ANXA4: variants seen among roughly 807,000 people sequenced by gnomAD.
The protein encoded by ANXA4 is 35-beta calcimedin.
A neutral mutation model predicts 49.8 loss-of-function variants in ANXA4; 39 were observed. That is an observed-to-expected ratio of 0.78 (90% confidence interval 0.61 to 1.02). The LOEUF (loss-of-function observed/expected upper bound fraction) is 1.02, where lower values mean the gene tolerates loss of function less well. Among genes scored for constraint, ANXA4 ranks in the 50% least tolerant of loss-of-function variants. The probability of loss-of-function intolerance (pLI) is 0.00; values close to 1 mark genes in which losing one functional copy is unlikely to be tolerated. For synonymous variants in ANXA4, 134 were observed against 152.5 expected (o/e 0.88, Z 0.89); for missense variants, 360 against 410.1 (o/e 0.88, Z 1.05).
Position 69,656,233 on chromosome 2 carries a change from ATATATACGTATATATATG to A in ANXA4, n.766+2987_766+3004del, listed in dbSNP as rs1472535361. 4.6e-4 allele frequency among the ~76,000 whole-genome samples: 56 copies of A among 120,470 alleles called. 1 individual carries two copies. The highest frequency in any genetic ancestry group is 1.1e-3 in the South Asian group (4 of 3,548). 79.0% of individuals were successfully genotyped at this position (120,470 alleles called of 152,430 possible). ...CACACATATATATGTATATATGTATATATATACGTATATATATGTATATACGTATATATATGTATATAC... is the reference window on the plus strand; with the variant it reads ...CACACATATATATGTATATATGTATATATATACGTATATATATGTATATAC... On this transcript the variant is annotated intron_variant and non_coding_transcript_variant, in intron 2 of 3. Transcript: ENST00000418066.
intron 3 of ANXA4, among the ~76,000 whole-genome samples, chr2:69,722,531 T>A (rs1446533229): frequency 1.3e-5 from 2 of 151,796 alleles, no homozygotes; most frequent in Non-Finnish European, 2.9e-5. Context: ...GGACAAATAT[T>A]ATATGATTCT....
intron 2 of ANXA4, among the ~76,000 whole-genome samples, chr2:69,690,467 G>A (rs1446754490): frequency 6.6e-6 from 1 of 152,108 alleles, no homozygotes; most frequent in East Asian, 1.9e-4. Flanking sequence ...TTGAACTCCT[G>A]ACCTCAAGTG....
At chr2:69,647,926 T>C (rs1274294406) in intron 1 of ANXA4, among the ~76,000 whole-genome samples, 7 of 152,174 alleles carry the variant, frequency 4.6e-5, no homozygotes, top group Admixed American at 1.3e-4. Context: ...TCAAAGAAAA[T>C]ACTGTTACAC....
At chr2:69,707,206 G>A (rs1678525610) in intron 2 of ANXA4, among the ~76,000 whole-genome samples, 1 of 152,140 alleles carries the variant, frequency 6.6e-6, no homozygotes, top group African/African-American at 2.4e-5. Flanking sequence ...ATGTCTGATA[G>A]ACCCTAGCCA....
intron 2 of ANXA4, among the ~76,000 whole-genome samples, chr2:69,659,757 G>C (rs1270989490): frequency 6.6e-6 from 1 of 152,172 alleles, no homozygotes; most frequent in African/African-American, 2.4e-5. Flanking sequence ...TTTAAATGTA[G>C]AGCTTTCGTG....
Position 69,825,582 on chromosome 2 carries a change from A to G in ANXA4, c.*67A>G. On this transcript the variant is annotated 3_prime_UTR_variant, in exon 13 of 13. Coordinates refer to ENST00000394295, the MANE Select transcript of ANXA4 (RefSeq NM_001153.5). Reference sequence around the variant, plus strand: ...AATTTTTTTAACTTCATTTTTCTACACTGCTATTATCATTATCTCAGAATG... The same window carrying G: ...AATTTTTTTAACTTCATTTTTCTACGCTGCTATTATCATTATCTCAGAATG... 3 of 1,196,440 alleles carry G rather than the reference A, an allele frequency of 2.5e-6. No homozygotes were observed. Among genetic ancestry groups the G allele is most frequent in the East Asian group, 2.4e-5 (1 of 42,472 alleles). 74.1% of individuals were successfully genotyped at this position (1,196,440 alleles called of 1,614,324 possible). A position where few individuals can be genotyped will look rare whatever the true frequency, so the allele number is the denominator to read the frequency against.
At chr2:69,723,929 A>G (rs981610936) in intron 3 of ANXA4, among the ~76,000 whole-genome samples, 4 of 152,208 alleles carry the variant, frequency 2.6e-5, no homozygotes, top group African/African-American at 4.8e-5. Context: ...GAGGCTTTCA[A>G]AACCTAGGCC....
rs1457728488 is a variant in ANXA4 at position 69,757,466 on chromosome 2, G to A, written c.-47+15291G>A. 2.8e-5 allele frequency among the ~76,000 whole-genome samples: 4 copies of A among 142,182 alleles called. No individual in the cohort carries two copies. The South Asian group carries it at 6.9e-4, about 25-fold the overall frequency. The allele number at this position is 142,182 out of a possible 152,430, so 93.3% of individuals were successfully genotyped here. A position where few individuals can be genotyped will look rare whatever the true frequency, so the allele number is the denominator to read the frequency against. On this transcript the variant is annotated intron_variant, in intron 1 of 12. Coordinates refer to ENST00000394295, the MANE Select transcript of ANXA4 (RefSeq NM_001153.5). ...TTTTTTTTTTTTTTAGTAGAGACAG[G>A]GTTTCACCATGTTAGCCAAGATGGT...
At position 69,755,967 on chromosome 2, in the gene ANXA4, G is replaced by A. The variant is rs558362296; in HGVS notation, c.-47+13792G>A. Among the ~76,000 whole-genome samples the A allele has an allele frequency of 3.3e-5, 5 of 152,192 alleles. No homozygotes were observed. In the South Asian group the frequency reaches 1.0e-3, roughly 32 times the overall value. Reference sequence around the variant, plus strand: ...GGGTATTTATGTCTATTATATCTGTGTGGTGAAACTAGTATTAATGTGTAA... The same window carrying A: ...GGGTATTTATGTCTATTATATCTGTATGGTGAAACTAGTATTAATGTGTAA... On this transcript the variant is annotated intron_variant, in intron 1 of 12. Coordinates refer to ENST00000394295, the MANE Select transcript of ANXA4 (RefSeq NM_001153.5).
chr2:69,722,442 G>A (rs1669839571), intron 3 of ANXA4, among the ~76,000 whole-genome samples: 1 of 152,186 alleles, frequency 6.6e-6, no homozygotes, highest in Admixed American at 6.5e-5. Flanking sequence ...GCCATATAAA[G>A]CAGTGAAGTT....
chr2:69,770,882 C>T (rs1573225881), intron 1 of ANXA4, among the ~76,000 whole-genome samples: 1 of 151,238 alleles, frequency 6.6e-6, no homozygotes, highest in African/African-American at 2.4e-5. Context: ...TGAGCCTAGG[C>T]ATTCAAGGCC....
At chr2:69,797,312 C>T (rs1672986823) in intron 3 of ANXA4, among the ~76,000 whole-genome samples, 1 of 152,110 alleles carries the variant, frequency 6.6e-6, no homozygotes, top group South Asian at 2.1e-4. Flanking sequence ...GGTCCCAGCA[C>T]CATAGTTGCA....
At chr2:69,805,046 C>CAAAAAAAAAAAAAA (rs60172949) in intron 4 of ANXA4, among the ~76,000 whole-genome samples, 3 of 35,878 alleles carry the variant, frequency 8.4e-5, no homozygotes, top group African/African-American at 2.3e-4. Context: ...GACTCCATCT[C>CAAAAAAAAAAAAAA]AAAAAAAAAA....
Position 69,820,762 on chromosome 2 carries a change from T to G in ANXA4, c.847T>G (p.Leu283Val). ...GGTTTCTCGAGCAGAAATTGACATG[T>G]TGGATATCCGGGCACACTTCAAGAG... Reference protein sequence around the residue: ...VMVSRAEIDMLDIRAHFKRLY... With the variant: ...VMVSRAEIDMVDIRAHFKRLY... Residue 283 changes from leucine to valine, a missense_variant, in exon 12 of 13, where the codon TTG becomes GTG. Physicochemically the swap from Leu to Val is conservative, Grantham distance 32. Transcript: ENST00000394295. 3.7e-6 allele frequency: 6 copies of G among 1,614,192 alleles called. No individual in the cohort carries two copies. Among genetic ancestry groups the G allele is most frequent in the Non-Finnish European group, 5.1e-6 (6 of 1,180,036 alleles).
intron 3 of ANXA4, among the ~76,000 whole-genome samples, chr2:69,799,797 C>A (rs1438230101): frequency 2.0e-5 from 3 of 152,196 alleles, no homozygotes; most frequent in African/African-American, 7.2e-5. Context: ...TATTTAGAAT[C>A]TCCTTGAGAT....
Position 69,724,560 on chromosome 2 carries a change from C to T in ANXA4, n.864+3689C>T, listed in dbSNP as rs552275601. Among the ~76,000 whole-genome samples, 7 of 152,304 alleles carry T rather than the reference C, an allele frequency of 4.6e-5. No individual in the cohort carries two copies. The East Asian group carries it at 1.4e-3, about 29-fold the overall frequency. ...GTCTGACTCTGTCCCTTCAAAAGAG[C>T]CCCCTCAATTCTCTTCAGTGTCAAA... On this transcript the variant is annotated intron_variant and non_coding_transcript_variant, in intron 3 of 3. Transcript: ENST00000418066.
chr2:69,724,588 A>G (rs1669909366), intron 3 of ANXA4, among the ~76,000 whole-genome samples: 2 of 152,174 alleles, frequency 1.3e-5, no homozygotes, highest in African/African-American at 4.8e-5. Context: ...GTGTCAAAGC[A>G]TCTTTTCAGA....
chr2:69,643,893 C>T (rs577589529), upstream of ANXA4: 14 of 1,170,024 alleles, frequency 1.2e-5, no homozygotes, highest in Non-Finnish European at 1.5e-5. Context: ...GGGAAGGAGT[C>T]GACCGCGAGA....
intron 2 of ANXA4, among the ~76,000 whole-genome samples, chr2:69,718,821 C>T (rs545882132): frequency 6.6e-6 from 1 of 150,470 alleles, no homozygotes; most frequent in Non-Finnish European, 1.5e-5. Context: ...ATGCTGCACA[C>T]ATGCACACAC....
Sources: allele counts gnomAD v4.1 joint callset (sites outside exome capture counted in the v4.1 genomes callset), GRCh38; gene constraint gnomAD v4.1.1; transcripts MANE v1.5; gene names NCBI Gene and HGNC (gene_info 2026-07-23, HGNC 2026-07-21).